Variants in MYO1H observed in about 807,000 individuals in gnomAD.
MYO1H encodes myosin IH, also known as unconventional myosin-Ih.
In MYO1H, 118 loss-of-function variants were observed where a neutral mutation model predicts 149.3. The ratio of observed to expected loss-of-function variants is 0.79; its 90% CI spans 0.68 to 0.92. The LOEUF is 0.92. Ranked by LOEUF, MYO1H falls within the 40% of genes least tolerant of loss-of-function variation. The pLI is 0.00. For synonymous variants in MYO1H, 447 were observed against 465.2 expected, an observed-to-expected ratio of 0.96 and a Z score of 0.50; for missense variants, 1,212 against 1,280.7, an observed-to-expected ratio of 0.95 and a Z score of 0.82.
chr12:109,377,744 T>C (rs1435980408), intron 1 of MYO1H, among the ~76,000 whole-genome samples: 2 of 152,242 alleles, frequency 1.3e-5, no homozygotes, highest in African/African-American at 4.8e-5. Context: ...TATTGTGAAA[T>C]GTTTTAAATA....
At chr12:109,443,081 C>T (rs370396895) in intron 27 of MYO1H, among the ~76,000 whole-genome samples, 4 of 38,540 alleles carry the variant, frequency 1.0e-4, no homozygotes, top group South Asian at 6.7e-4. Flanking sequence ...TATATGTGTA[C>T]GTATGTGTGT....
intron 16 of MYO1H, among the ~76,000 whole-genome samples, chr12:109,421,231 C>CG (rs940487264): frequency 1.3e-5 from 2 of 151,626 alleles, no homozygotes; most frequent in African/African-American, 4.9e-5. Context: ...TATGATGCCC[C>CG]CTGGGCACCA....
chr12:109,439,522 TCCACAGCCTCTA>T (rs202196184), intron 23 of MYO1H, 97 bp from the exon 24 acceptor site: 79,252 of 814,620 alleles, frequency 0.097, 2,978 homozygotes, highest in Middle Eastern at 0.16. Context: ...TGTGGTCATC[TCCACAGCCTCTA>T]CCACTTTGGC....
chr12:109,361,631 C>G (rs115700718), intron 1 of MYO1H, among the ~76,000 whole-genome samples: 1 of 151,772 alleles, frequency 6.6e-6, no homozygotes, highest in Non-Finnish European at 1.5e-5. Context: ...CATGGCAAAA[C>G]CCTGTCTCTA....
At chr12:109,336,204 T>G in the MYO1H span, among the ~76,000 whole-genome samples, 4 of 152,076 alleles carry the variant, frequency 2.6e-5, no homozygotes, top group African/African-American at 9.7e-5. Flanking sequence ...TATTTCTACT[T>G]CTCCTTGTTC....
the MYO1H span, among the ~76,000 whole-genome samples, chr12:109,321,152 A>G: frequency 6.6e-6 from 1 of 152,282 alleles, no homozygotes; most frequent in Middle Eastern, 3.4e-3. Context: ...AAAATTAAAG[A>G]CTTATGTTCA....
intron 15 of MYO1H, among the ~76,000 whole-genome samples, chr12:109,417,557 G>A (rs1418533622): frequency 1.7e-4 from 26 of 152,096 alleles, no homozygotes; most frequent in East Asian, 5.9e-4. Flanking sequence ...TCCATCTACC[G>A]ACCTCGTGAT....
chr12:109,327,739 C>CAAAAAAAAAAAAAAAAAAAAAAAA, the MYO1H span, among the ~76,000 whole-genome samples: 4 of 85,650 alleles, frequency 4.7e-5, no homozygotes, highest in African/African-American at 4.5e-5. Flanking sequence ...AAAACTGTCT[C>CAAAAAAAAAAAAAAAAAAAAAAAA]AAAAAAAAAA....
chr12:109,330,395 A>G, the MYO1H span, among the ~76,000 whole-genome samples: 9 of 152,256 alleles, frequency 5.9e-5, no homozygotes, highest in Admixed American at 3.9e-4. Flanking sequence ...AGCAACAGAC[A>G]TACCACTTGG....
At chr12:109,313,122 G>A in the MYO1H span, among the ~76,000 whole-genome samples, 2 of 152,130 alleles carry the variant, frequency 1.3e-5, no homozygotes, top group Non-Finnish European at 2.9e-5. Context: ...GTGCATGCTT[G>A]TAGTCCCAGC....
intron 10 of MYO1H, among the ~76,000 whole-genome samples, chr12:109,408,702 C>T (rs1212429863): frequency 1.3e-5 from 2 of 152,116 alleles, no homozygotes; most frequent in Admixed American, 6.6e-5. Context: ...GGAGGTAGGA[C>T]ACAAAAGATG....
At chr12:109,418,111 C>T (rs1347023800) in intron 15 of MYO1H, among the ~76,000 whole-genome samples, 7 of 151,836 alleles carry the variant, frequency 4.6e-5, no homozygotes, top group East Asian at 1.9e-4. Context: ...CCACCGCGCC[C>T]GGCCTAAGAT....
chr12:109,440,643 A>C, intron 24 of MYO1H, 101 bp from the exon 25 acceptor site: 1 of 830,056 alleles, frequency 1.2e-6, no homozygotes, highest in South Asian at 1.6e-5. Context: ...CTTGAAATCA[A>C]ACTGAATTCA....
chr12:109,434,418 T>A (rs1308681332), intron 20 of MYO1H, among the ~76,000 whole-genome samples: 1 of 152,130 alleles, frequency 6.6e-6, no homozygotes, highest in East Asian at 1.9e-4. Flanking sequence ...CATTTGAACC[T>A]GGGAGATGGG....
rs1394214697 is a variant in MYO1H, at chr12:109,405,563, G to A, written c.850-359G>A. On this transcript the variant is annotated intron_variant, in intron 7 of 31. Coordinates refer to ENST00000310903, the Ensembl canonical transcript of MYO1H. Reference sequence around the variant, plus strand: ...GACTTCGGGTGATCTGCCCACCTCGGCCTCCCAAAGTGCTGGGATTACAGG... The same window carrying A: ...GACTTCGGGTGATCTGCCCACCTCGACCTCCCAAAGTGCTGGGATTACAGG... Among the ~76,000 whole-genome samples, 4 of 152,218 alleles carry A rather than the reference G, an allele frequency of 2.6e-5. No homozygotes were observed. In the East Asian group the frequency reaches 7.7e-4, roughly 29 times the overall value.
intron 22 of MYO1H, 53 bp downstream of exon 22, chr12:109,436,609 A>C (rs75548302): frequency 8.0e-7 from 1 of 1,256,030 alleles, no homozygotes; most frequent in African/African-American, 1.5e-5. Context: ...TCTGCTTGGC[A>C]CCTGGGGGCA....
chr12:109,443,196 A>ATGTGTATATGTGTACGTATATG (rs1872286816), intron 27 of MYO1H, among the ~76,000 whole-genome samples: 1 of 95,670 alleles, frequency 1.0e-5, no homozygotes, highest in African/African-American at 4.7e-5. Flanking sequence ...GTGTACGTAT[A>ATGTGTATATGTGTACGTATATG]TGTGTGTATA....
chr12:109,367,861 A>C (rs982213535), intron 1 of MYO1H, among the ~76,000 whole-genome samples: 1 of 151,698 alleles, frequency 6.6e-6, no homozygotes, highest in Non-Finnish European at 1.5e-5. Flanking sequence ...CTATTTTTAA[A>C]TTAGTTTTTA....
chr12:109,352,658 C>G (rs1868489881), intron 1 of MYO1H, among the ~76,000 whole-genome samples: 1 of 152,024 alleles, frequency 6.6e-6, no homozygotes, highest in Admixed American at 6.6e-5. Flanking sequence ...CAGAAAACAC[C>G]CACTACCTAG....
Sources: gnomAD v4.1 joint callset for allele counts (sites outside exome capture counted in the v4.1 genomes callset) on GRCh38, gnomAD v4.1.1 for gene constraint, MANE v1.5 for transcripts, NCBI Gene and HGNC (gene_info 2026-07-23, HGNC 2026-07-21) for gene names.